The following YJEFN3 variants were observed in gnomAD, a reference collection of about 807,000 sequenced individuals.
The protein encoded by YJEFN3 is yjeF N-terminal domain-containing protein 3.
Under a neutral mutation model 31.5 loss-of-function variants are expected in YJEFN3, and 29 were observed. The ratio of observed to expected loss-of-function variants is 0.92; its 90% CI spans 0.69 to 1.26. YJEFN3 has a LOEUF of 1.26. YJEFN3 is among the 50% of genes most tolerant of loss of function. The pLI, the probability that YJEFN3 is intolerant of heterozygous loss-of-function variation, is 0.00. For missense variants in YJEFN3, 442 were observed against 425.4 expected (o/e 1.04, Z -0.34); for synonymous variants, 227 against 196.1 (o/e 1.16, Z -1.32).
chr19:19,532,671 G>T lies in YJEFN3; in HGVS notation c.249G>T (p.Glu83Asp). ...EAAALERELL[E>D]DYRFGRQQLV... The stretch of plus-strand genomic sequence containing the variant: ...CCGCCCTGGAGCGGGAGCTGCTGGA[G>T]GATTATCGCTTTGGGCGGCAGCAGC... The change falls in exon 3 of 7, where the codon GAG (glutamate) becomes GAT (aspartate). Residue 83 changes from glutamate (E) to aspartate (D), a missense_variant. Physicochemically the swap from Glu to Asp is conservative, Grantham distance 45 (BLOSUM62 2). Transcript: ENST00000514277. The T allele has an allele frequency of 6.4e-7, 1 of 1,572,828 alleles. No homozygotes were observed. Among genetic ancestry groups the T allele is most frequent in the East Asian group, 2.3e-5 (1 of 42,832 alleles).
chr19:19,533,475 T>A, intron 3 of YJEFN3: 1 of 896,418 alleles, frequency 1.1e-6, no homozygotes, highest in Non-Finnish European at 1.3e-6. Context: ...CCCCTCCTCT[T>A]ACCCTCCTCC....
chr19:19,532,515 TA>T, intron 2 of YJEFN3, 116 bp from the exon 3 acceptor site: 1 of 594,852 alleles, frequency 1.7e-6, no homozygotes. Flanking sequence ...TACTCGGGGG[TA>T]CGGGGTGGGA....
rs771609029 is a variant in YJEFN3 at position 19,537,301 on chromosome 19, C to G, written c.695-18C>G. 6.4e-7 allele frequency: 1 copy of G among 1,567,524 alleles called. No individual in the cohort carries two copies. The highest frequency in any genetic ancestry group is 8.6e-7 in the Non-Finnish European group (1 of 1,162,434). ...CCACCCTCCCAGTTCCCAATCCCCC[C>G]GGACCCTCCTCCCTCAGGCTGGGAC... On this transcript the variant is annotated intron_variant, in intron 6 of 6. Transcript: ENST00000514277.
intron 2 of YJEFN3, among the ~76,000 whole-genome samples, chr19:19,529,845 C>T (rs747513574): frequency 2.6e-5 from 4 of 152,162 alleles, no homozygotes; most frequent in Non-Finnish European, 5.9e-5. Context: ...GCTGACGAGG[C>T]TGGAGACACA....
chr19:19,534,251 G>GGA lies in YJEFN3; in HGVS notation c.319-774_319-773dup, dbSNP rs1188387062. The GGA allele has an allele frequency of 4.9e-6, 4 of 811,400 alleles. No homozygotes were observed. Among genetic ancestry groups the GGA allele is most frequent in the Non-Finnish European group, 5.8e-6 (4 of 691,456 alleles). 50.3% of individuals were successfully genotyped at this position (811,400 alleles called of 1,614,324 possible). A position where few individuals can be genotyped will look rare whatever the true frequency, so the allele number is the denominator to read the frequency against. On this transcript the variant is annotated intron_variant, in intron 3 of 6. Coordinates refer to ENST00000514277, the MANE Select transcript of YJEFN3 (RefSeq NM_198537.4). The surrounding 1 kb of genome is among the most constrained non-coding windows in gnomAD (Gnocchi z 4.6). ...GATACAGAGACAGCCAGAGACAAAT[G>GGA]GAGAGAGAGACAAATGGAGAAAGAG...
In YJEFN3 at chr19:19,531,718, CTTTTTTTTT is replaced by C. The variant is rs56747140; in HGVS notation, c.210-892_210-884del. ...GCCACATTTTCTGGCAACAAATAACCTTTTTTTTTTTTTTTTTTTTTTTTTTTTTTGGAG... is the reference window on the plus strand; with the variant it reads ...GCCACATTTTCTGGCAACAAATAACCTTTTTTTTTTTTTTTTTTTTTGGAG... On this transcript the variant is annotated intron_variant, in intron 2 of 6. Transcript: ENST00000514277. Among the ~76,000 whole-genome samples, 114 of 75,866 alleles carry C rather than the reference CTTTTTTTTT, an allele frequency of 1.5e-3. 3 individuals are homozygous for C. Among genetic ancestry groups the C allele is most frequent in the African/African-American group, 8.3e-3 (110 of 13,254 alleles). The allele number at this position is 75,866 out of a possible 152,430, so 49.8% of individuals were successfully genotyped here. A position where few individuals can be genotyped will look rare whatever the true frequency, so the allele number is the denominator to read the frequency against.
At chr19:19,529,278 C>T (rs1425065465) in intron 1 of YJEFN3, 86 bp from the exon 2 acceptor site, 21 of 1,493,664 alleles carry the variant, frequency 1.4e-5, no homozygotes, top group Non-Finnish European at 1.9e-5. Flanking sequence ...GGGCAGCCCG[C>T]CCCTCATGAA....
chr19:19,532,775 C>G, intron 3 of YJEFN3, 35 bp downstream of exon 3: 4 of 1,475,516 alleles, frequency 2.7e-6, no homozygotes, highest in Non-Finnish European at 3.7e-6. Flanking sequence ...CTGACCCCAA[C>G]CAGACGGCCA....
chr19:19,532,184 C>G (rs2061162833), intron 2 of YJEFN3, among the ~76,000 whole-genome samples: 1 of 152,248 alleles, frequency 6.6e-6, no homozygotes, highest in Non-Finnish European at 1.5e-5. Context: ...TGCCCCCAGT[C>G]CTGTCCACCC....
chr19:19,535,733 C>T, intron 6 of YJEFN3, 54 bp downstream of exon 6: 4 of 1,535,766 alleles, frequency 2.6e-6, no homozygotes, highest in Non-Finnish European at 3.5e-6. Context: ...GGTGGAGGCC[C>T]CTGTGCCCCA....
rs1324262859 is a variant in YJEFN3 at position 19,537,500 on chromosome 19, C to A, written c.876C>A (p.Gly292=). ...KFALRLPGYT[G]TDCVAAL ...CTCTGCGCCTGCCGGGATACACGGG[C>A]ACCGACTGCGTCGCGGCACTGTGAC... The change falls in exon 7 of 7, where the codon GGC becomes GGA. Residue 292 remains glycine, a synonymous_variant. Transcript: ENST00000514277. The A allele has an allele frequency of 6.4e-7, 1 of 1,569,108 alleles. No homozygotes were observed. Among genetic ancestry groups the A allele is most frequent in the Admixed American group, 1.7e-5 (1 of 58,232 alleles).
Position 19,535,676 on chromosome 19 carries a change from T to A in YJEFN3, c.691T>A (p.Ser231Thr). ...CCCCCTCGTGAGCCTGGACATCCCCTCAGGCATGCCAGGCAGAGGGGGGCA... is the reference window on the plus strand; with the variant it reads ...CCCCCTCGTGAGCCTGGACATCCCCACAGGCATGCCAGGCAGAGGGGGGCA... The part of the protein sequence containing the change: ...SIPLVSLDIP[S>T]GWDAETGSDS... The change falls in exon 6 of 7, where the codon TCA (serine) becomes ACA (threonine). Residue 231 changes from serine (S) to threonine (T), a missense_variant. Physicochemically the swap from Ser to Thr is moderately conservative, Grantham distance 58 (BLOSUM62 1). Coordinates refer to ENST00000514277, the MANE Select transcript of YJEFN3 (RefSeq NM_198537.4). 1 of 1,556,784 alleles carries A rather than the reference T, an allele frequency of 6.4e-7. No homozygotes were observed. The highest frequency in any genetic ancestry group is 1.2e-5 in the South Asian group (1 of 85,276).
rs1388736575 is a variant in YJEFN3 at position 19,529,557 on chromosome 19, C to A, written c.209+44C>A. The A allele has an allele frequency of 1.9e-6, 3 of 1,597,204 alleles. No individual in the cohort carries two copies. The African/African-American group carries it at 4.0e-5, about 21-fold the overall frequency. On this transcript the variant is annotated intron_variant, in intron 2 of 6. Coordinates refer to ENST00000514277, the MANE Select transcript of YJEFN3 (RefSeq NM_198537.4). ...TAGAACTGGCGCCGTGGCTGTGACT[C>A]TCACCTCATCCTCCTCAGCCTTTGT...
intron 6 of YJEFN3, among the ~76,000 whole-genome samples, chr19:19,536,919 G>A (rs568220427): frequency 2.0e-5 from 3 of 152,312 alleles, no homozygotes; most frequent in African/African-American, 4.8e-5. Flanking sequence ...GCAGTGAGCC[G>A]AGATTGCACC....
rs756963695 is a variant in YJEFN3, at chr19:19,537,432, G to C, written c.808G>C (p.Val270Leu). 1 of 1,589,546 alleles carries C rather than the reference G, an allele frequency of 6.3e-7. No individual in the cohort carries two copies. The highest frequency in any genetic ancestry group is 1.3e-5 in the African/African-American group (1 of 74,746). ...AGRFSGRHHFVAGRFVPDDVR... is the reference protein window; with the variant it reads ...AGRFSGRHHFLAGRFVPDDVR... ...CCGCTTCTCCGGGCGCCACCACTTC[G>C]TGGCCGGCAGGTTCGTGCCCGATGA... Residue 270 changes from valine (V) to leucine (L), a missense_variant, in exon 7 of 7, where the codon GTG becomes CTG. Transcript: ENST00000514277.
intron 6 of YJEFN3, among the ~76,000 whole-genome samples, chr19:19,536,982 G>A (rs1600372028): frequency 6.6e-6 from 1 of 152,272 alleles, no homozygotes; most frequent in East Asian, 1.9e-4. Context: ...GATGGAGGAG[G>A]GCGATTGAAT....
chr19:19,533,562 T>G, intron 3 of YJEFN3: 2 of 482,212 alleles, frequency 4.1e-6, no homozygotes, highest in Non-Finnish European at 5.1e-6. Context: ...CTCCTCCCCC[T>G]CCTCCTGTTC....
intron 6 of YJEFN3, 109 bp downstream of exon 6, chr19:19,535,788 T>C: frequency 7.3e-7 from 1 of 1,376,628 alleles, no homozygotes; most frequent in Non-Finnish European, 1.0e-6. Context: ...CTCCCCAGCT[T>C]GGATGGACCC....
rs2061197698 is a variant in YJEFN3, at chr19:19,535,355, T to A, written c.448T>A (p.Phe150Ile). ...LRVFEYEPTI[F>I]YPTRSLDLLH... ...CCCCCAGGAGTATGAACCCACCATC[T>A]TCTACCCCACACGCTCGCTGGACCT... Residue 150 changes from phenylalanine (F) to isoleucine (I), a missense_variant, in exon 5 of 7, where the codon TTC (phenylalanine) becomes ATC (isoleucine). Transcript: ENST00000514277. The A allele has an allele frequency of 6.2e-7, 1 of 1,613,736 alleles. No individual in the cohort carries two copies. Among genetic ancestry groups the A allele is most frequent in the Non-Finnish European group, 8.5e-7 (1 of 1,179,964 alleles).
Sources: allele counts gnomAD v4.1 joint callset (sites outside exome capture counted in the v4.1 genomes callset), GRCh38; gene constraint gnomAD v4.1.1; non-coding constraint Gnocchi (gnomAD v3.1); transcripts MANE v1.5; gene names NCBI Gene and HGNC (gene_info 2026-07-23, HGNC 2026-07-21).